Variants in LPP observed in about 807,000 individuals in gnomAD.
The protein encoded by LPP is LIM domain containing preferred translocation partner in lipoma.
LPP carries 38 observed loss-of-function variants against 60.4 expected under a neutral mutation model. That is an observed-to-expected ratio of 0.63 (90% CI 0.49 to 0.83). The LOEUF is 0.83. LPP is among the 40% of genes least tolerant of loss of function. The pLI is 0.00. For synonymous variants in LPP, 328 were observed against 290.8 expected (o/e 1.13, Z -1.30); for missense variants, 902 against 783.6 (o/e 1.15, Z -1.80).
Position 188,217,228 on chromosome 3 carries a change from G to A in LPP, c.-189-8177G>A, listed in dbSNP as rs1270016128. 2.0e-5 allele frequency among the ~76,000 whole-genome samples: 3 copies of A among 152,218 alleles called. No homozygotes were observed. The highest frequency in any genetic ancestry group is 4.8e-5 in the African/African-American group (2 of 41,458). The stretch of plus-strand genomic sequence containing the variant: ...TAAGCTGAGATCTGAGTGACAAGGA[G>A]GCCACCTTGTAGAAGTTGGGGGAAG... On this transcript the variant is annotated intron_variant, in intron 1 of 11. Transcript: ENST00000617246. This position sits in a 1 kb window ranked among gnomAD's most constrained non-coding sequence, Gnocchi z 4.0.
intron 8 of LPP, among the ~76,000 whole-genome samples, chr3:188,745,019 T>C (rs981239390): frequency 6.6e-6 from 1 of 152,108 alleles, no homozygotes; most frequent in Non-Finnish European, 1.5e-5. Flanking sequence ...CAGGGTAAAC[T>C]GTTCTCCCTA....
intron 7 of LPP, among the ~76,000 whole-genome samples, chr3:188,663,503 G>A (rs1253320945): frequency 6.6e-6 from 1 of 152,126 alleles, no homozygotes; most frequent in African/African-American, 2.4e-5. Flanking sequence ...CTGTCATATT[G>A]AGTGTCACGT....
intron 9 of LPP, among the ~76,000 whole-genome samples, chr3:188,849,948 T>A (rs894630555): frequency 6.6e-6 from 1 of 152,194 alleles, no homozygotes; most frequent in African/African-American, 2.4e-5. Context: ...TGGCTATCCA[T>A]AGCGGACATG....
intron 10 of LPP, among the ~76,000 whole-genome samples, chr3:188,872,005 T>C (rs545522158): frequency 3.6e-4 from 55 of 152,356 alleles, no homozygotes; most frequent in African/African-American, 1.3e-3. Flanking sequence ...TTGATAGCTC[T>C]TTAACTTTTA....
intron 2 of LPP, among the ~76,000 whole-genome samples, chr3:188,237,955 G>A (rs892030729): frequency 5.3e-5 from 8 of 152,178 alleles, no homozygotes; most frequent in Admixed American, 3.3e-4. Flanking sequence ...GTCCTGGATG[G>A]CATCTTCTTT....
chr3:188,720,373 G>C (rs1014385557), intron 8 of LPP, among the ~76,000 whole-genome samples: 1 of 152,148 alleles, frequency 6.6e-6, no homozygotes, highest in Non-Finnish European at 1.5e-5. Context: ...GGCTTTGATA[G>C]AGAACAGATT....
chr3:188,867,271 A>G (rs1362985033), intron 10 of LPP, among the ~76,000 whole-genome samples: 1 of 147,932 alleles, frequency 6.8e-6, no homozygotes, highest in Non-Finnish European at 1.5e-5. Flanking sequence ...ATGTTTATAT[A>G]TATACATAAT....
At chr3:188,534,123 C>G (rs1483317669) in intron 6 of LPP, among the ~76,000 whole-genome samples, 1 of 152,118 alleles carries the variant, frequency 6.6e-6, no homozygotes, top group Admixed American at 6.6e-5. Context: ...ATCTTAGCTC[C>G]TAGTGGGGAT....
intron 9 of LPP, among the ~76,000 whole-genome samples, chr3:188,794,996 G>A (rs889427091): frequency 3.3e-5 from 5 of 152,132 alleles, no homozygotes; most frequent in Non-Finnish European, 5.9e-5. Flanking sequence ...TTAGCTGGAC[G>A]TTGTGGTGTG....
At position 188,573,145 on chromosome 3, in the gene LPP, A is replaced by C. The variant is rs138076821; in HGVS notation, c.430-36016A>C. 1.5e-3 allele frequency among the ~76,000 whole-genome samples: 235 copies of C among 152,158 alleles called. 2 individuals carry two copies. The highest frequency in any genetic ancestry group is 5.5e-3 in the African/African-American group (228 of 41,534). On this transcript the variant is annotated intron_variant, in intron 6 of 11. Coordinates refer to ENST00000617246, the MANE Select transcript of LPP (RefSeq NM_001375462.1). ...CTTTAGATGGGTAGAGTCCTTTAGT[A>C]CTCATCAAGTGGGTATGATCATGAT...
chr3:188,522,964 G>A (rs1484865371), intron 5 of LPP, among the ~76,000 whole-genome samples: 1 of 151,810 alleles, frequency 6.6e-6, no homozygotes, highest in African/African-American at 2.4e-5. Flanking sequence ...CTGGAGTGCA[G>A]TGGTACGATC....
At chr3:188,480,282 C>T (rs1411518218) in intron 4 of LPP, among the ~76,000 whole-genome samples, 3 of 152,164 alleles carry the variant, frequency 2.0e-5, no homozygotes, top group African/African-American at 7.2e-5. Flanking sequence ...TGTCCAACTC[C>T]TCATTTAACT....
intron 3 of LPP, among the ~76,000 whole-genome samples, chr3:188,396,594 A>AGATC (rs1028730947): frequency 3.3e-5 from 5 of 152,234 alleles, no homozygotes; most frequent in African/African-American, 1.2e-4. Context: ...GTCTCATTAG[A>AGATC]GATCATATTG....
intron 1 of LPP, among the ~76,000 whole-genome samples, chr3:188,187,617 A>G (rs772898951): frequency 6.6e-6 from 1 of 151,926 alleles, no homozygotes; most frequent in African/African-American, 2.4e-5. Flanking sequence ...TTCAAGTTCC[A>G]GCAACTTTTT....
At chr3:188,467,370 T>G (rs1579127727) in intron 4 of LPP, among the ~76,000 whole-genome samples, 1 of 152,204 alleles carries the variant, frequency 6.6e-6, no homozygotes, top group Non-Finnish European at 1.5e-5. Flanking sequence ...ATAGGTACGA[T>G]GAATACAAGA....
intron 2 of LPP, among the ~76,000 whole-genome samples, chr3:188,239,699 G>T (rs1577469907): frequency 6.6e-6 from 1 of 152,292 alleles, no homozygotes; most frequent in South Asian, 2.1e-4. Flanking sequence ...GGCAGGTGGT[G>T]TCTGTGACTT....
intron 7 of LPP, among the ~76,000 whole-genome samples, chr3:188,684,294 A>G (rs74491432): frequency 0.059 from 8,939 of 152,314 alleles, 343 homozygotes; most frequent in Non-Finnish European, 0.083. Context: ...CAAAATTTCT[A>G]AAATTTTCTC....
At chr3:188,379,857 C>T (rs143557478) in intron 3 of LPP, among the ~76,000 whole-genome samples, 15 of 152,216 alleles carry the variant, frequency 9.9e-5, no homozygotes, top group East Asian at 3.9e-4. Context: ...TAAGAAACCA[C>T]GGTCTGTGTT....
chr3:188,191,299 T>C (rs1369841787), intron 1 of LPP, among the ~76,000 whole-genome samples: 1 of 152,262 alleles, frequency 6.6e-6, no homozygotes, highest in Non-Finnish European at 1.5e-5. Context: ...TTTAACAGTT[T>C]GGTTAACTTT....
Sources: allele counts gnomAD v4.1 joint callset (sites outside exome capture counted in the v4.1 genomes callset), GRCh38; gene constraint gnomAD v4.1.1; non-coding constraint Gnocchi (gnomAD v3.1); transcripts MANE v1.5; gene names NCBI Gene and HGNC (gene_info 2026-07-23, HGNC 2026-07-21).